The following GOLIM4 variants were observed in gnomAD, a reference collection of about 807,000 sequenced individuals.
GOLIM4 encodes the protein golgi integral membrane protein 4.
A neutral mutation model predicts 107.4 loss-of-function variants in GOLIM4; 71 were observed. The ratio of observed to expected loss-of-function variants is 0.66; its 90% CI spans 0.55 to 0.81. GOLIM4 has a LOEUF of 0.81. Among genes scored for constraint, GOLIM4 ranks in the 30% least tolerant of loss-of-function variants. The probability of loss-of-function intolerance (pLI) is 0.00; values close to 1 mark genes in which losing one functional copy is unlikely to be tolerated. For synonymous variants in GOLIM4, 327 were observed against 294.8 expected, an observed-to-expected ratio of 1.11 and a Z score of -1.12; for missense variants, 830 against 826.1, an observed-to-expected ratio of 1.00 and a Z score of -0.06.
intron 13 of GOLIM4, 119 bp from the exon 14 acceptor site, chr3:168,024,713 G>A (rs1577510445): frequency 1.1e-6 from 1 of 900,034 alleles, no homozygotes; most frequent in Non-Finnish European, 1.8e-6. Flanking sequence ...AGCGTCTGTG[G>A]CCAGGAAATG....
intron 1 of GOLIM4, among the ~76,000 whole-genome samples, chr3:168,068,568 A>G (rs1025343271): frequency 6.6e-6 from 1 of 151,266 alleles, no homozygotes; most frequent in Admixed American, 6.6e-5. Flanking sequence ...TAACTTAAGG[A>G]TAGTTTTTTT....
At position 168,046,804 on chromosome 3, in the gene GOLIM4, G is replaced by T. The variant is rs564263456; in HGVS notation, c.312+146C>A. On this transcript the variant is annotated intron_variant, in intron 3 of 15. Transcript: ENST00000470487. ...GTCTTCCTCTTAGAATTTTTTGGCA[G>T]CCAAAAAAAAAAAAAGGGGGTGTCA... The T allele has an allele frequency of 6.1e-4, 252 of 413,640 alleles. 1 individual carries two copies. The highest frequency in any genetic ancestry group is 9.3e-4 in the Non-Finnish European group (217 of 234,532). The allele number at this position is 413,640 out of a possible 1,614,324, so 25.6% of individuals were successfully genotyped here. A position where few individuals can be genotyped will look rare whatever the true frequency, so the allele number is the denominator to read the frequency against.
intron 1 of GOLIM4, among the ~76,000 whole-genome samples, chr3:168,063,678 A>G (rs1720384720): frequency 1.4e-5 from 2 of 137,962 alleles, no homozygotes; most frequent in African/African-American, 2.7e-5. Context: ...AAGGTCAAAT[A>G]TAAGAGTTAT....
chr3:168,072,910 G>A (rs1372305159), intron 1 of GOLIM4, among the ~76,000 whole-genome samples: 1 of 152,150 alleles, frequency 6.6e-6, no homozygotes, highest in Admixed American at 6.5e-5. Context: ...CATATGTAAT[G>A]AAACACAGTT....
At position 168,041,417 on chromosome 3, in the gene GOLIM4, A is replaced by G. The variant is rs1718992347; in HGVS notation, c.575T>C (p.Ile192Thr). 6.3e-7 allele frequency: 1 copy of G among 1,592,462 alleles called. No homozygotes were observed. The highest frequency in any genetic ancestry group is 8.6e-7 in the Non-Finnish European group (1 of 1,161,194). The change falls in exon 6 of 16, where the codon ATA (isoleucine) becomes ACA (threonine). Residue 192 changes from isoleucine (I) to threonine (T), a missense_variant. Physicochemically the swap from Ile to Thr is moderately conservative, Grantham distance 89. Coordinates refer to ENST00000470487, the MANE Select transcript of GOLIM4 (RefSeq NM_014498.5). ...NRQLRKAHQD[I>T]HTQLQDVKQQ... ...CTTGACATCTTGAAGCTGTGTATGT[A>G]TGTCTTGGTGTGCTTTCCTTAGTTG...
At chr3:168,085,993 C>G (rs1721600017) in intron 1 of GOLIM4, among the ~76,000 whole-genome samples, 2 of 152,150 alleles carry the variant, frequency 1.3e-5, no homozygotes, top group Admixed American at 1.3e-4. Context: ...GGGGCCTCAC[C>G]CACACCTGGA....
rs998492232 is a variant in GOLIM4, at chr3:168,063,025, C to A, written c.188-14660G>T. ...AATCTAAGAAGCAAGTTGCTGGTAG[C>A]TAGAGGTCACAGCTGGAATCCTGCT... On this transcript the variant is annotated intron_variant, in intron 1 of 15. Transcript: ENST00000470487. Among the ~76,000 whole-genome samples, 4 of 152,136 alleles carry A rather than the reference C, an allele frequency of 2.6e-5. 1 individual carries two copies. The highest frequency in any genetic ancestry group is 9.7e-5 in the African/African-American group (4 of 41,428).
intron 1 of GOLIM4, among the ~76,000 whole-genome samples, chr3:168,071,000 G>A (rs1239158230): frequency 6.6e-6 from 1 of 152,114 alleles, no homozygotes; most frequent in Non-Finnish European, 1.5e-5. Context: ...CTACAAGCCA[G>A]TGGCTGGAAA....
chr3:168,045,731 A>C (rs1016965478), intron 3 of GOLIM4, among the ~76,000 whole-genome samples: 7 of 152,102 alleles, frequency 4.6e-5, no homozygotes, highest in African/African-American at 7.2e-5. Context: ...TTTTTATTAA[A>C]AACTTCTAAA....
intron 1 of GOLIM4, among the ~76,000 whole-genome samples, chr3:168,093,276 C>T (rs749787184): frequency 6.6e-6 from 1 of 152,182 alleles, no homozygotes; most frequent in Non-Finnish European, 1.5e-5. Flanking sequence ...TTTCAAAAAG[C>T]AAAGACACAG....
intron 7 of GOLIM4, among the ~76,000 whole-genome samples, chr3:168,038,600 T>C (rs911068383): frequency 6.6e-5 from 10 of 152,194 alleles, no homozygotes; most frequent in Admixed American, 5.2e-4. Flanking sequence ...TATAAAAGGG[T>C]ACAATATTAT....
intron 14 of GOLIM4, 62 bp from the exon 15 acceptor site, chr3:168,010,885 T>C (rs1383901884): frequency 9.2e-7 from 1 of 1,082,946 alleles, no homozygotes; most frequent in Non-Finnish European, 1.4e-6. Context: ...CGATAATATA[T>C]TTTGACACTG....
chr3:168,075,470 T>C (rs1300378132), intron 1 of GOLIM4, among the ~76,000 whole-genome samples: 1 of 151,670 alleles, frequency 6.6e-6, no homozygotes, highest in East Asian at 1.9e-4. Context: ...CTAATTTTTT[T>C]TGTATTTTTA....
At chr3:168,076,128 T>G (rs1252686178) in intron 1 of GOLIM4, among the ~76,000 whole-genome samples, 1 of 152,218 alleles carries the variant, frequency 6.6e-6, no homozygotes, top group African/African-American at 2.4e-5. Flanking sequence ...CCACAACCTT[T>G]TCCCAAAGTC....
intron 14 of GOLIM4, among the ~76,000 whole-genome samples, chr3:168,018,772 A>C (rs1717515514): frequency 6.6e-6 from 1 of 152,180 alleles, no homozygotes; most frequent in Non-Finnish European, 1.5e-5. Context: ...TGTCTTTTAC[A>C]GCCTTAATAA....
At chr3:168,027,353 T>C (rs924427544) in intron 12 of GOLIM4, among the ~76,000 whole-genome samples, 11 of 152,186 alleles carry the variant, frequency 7.2e-5, no homozygotes, top group Admixed American at 5.9e-4. Flanking sequence ...GTTTCCTTTC[T>C]CTGGTCCCAT....
intron 14 of GOLIM4, among the ~76,000 whole-genome samples, chr3:168,021,522 C>T (rs973776475): frequency 3.3e-5 from 5 of 151,874 alleles, no homozygotes; most frequent in Middle Eastern, 3.2e-3. Context: ...AAAAATTAGC[C>T]GGGTATGGTG....
intron 1 of GOLIM4, among the ~76,000 whole-genome samples, chr3:168,090,588 A>C (rs1317673043): frequency 1.3e-5 from 2 of 152,236 alleles, no homozygotes; most frequent in Non-Finnish European, 2.9e-5. Flanking sequence ...AAACTAGCAC[A>C]ACCTTTCTGG....
intron 14 of GOLIM4, among the ~76,000 whole-genome samples, chr3:168,011,372 G>C (rs112201240): frequency 6.6e-6 from 1 of 151,944 alleles, no homozygotes; most frequent in African/African-American, 2.4e-5. Context: ...ATTATATCCC[G>C]CACCTGGCTT....
Sources: allele counts gnomAD v4.1 joint callset (sites outside exome capture counted in the v4.1 genomes callset), GRCh38; gene constraint gnomAD v4.1.1; transcripts MANE v1.5; gene names NCBI Gene and HGNC (gene_info 2026-07-23, HGNC 2026-07-21).